PLCE1: variants seen among roughly 807,000 people sequenced by gnomAD.
The protein encoded by PLCE1 is 1-phosphatidylinositol 4,5-bisphosphate phosphodiesterase epsilon-1.
PLCE1 carries 119 observed loss-of-function variants against 242.8 expected under a neutral mutation model. The ratio of observed to expected loss-of-function variants is 0.49; its 90% CI spans 0.42 to 0.57. The LOEUF (loss-of-function observed/expected upper bound fraction) is 0.57. PLCE1 is among the 20% of genes least tolerant of loss of function. The probability of loss-of-function intolerance (pLI) is 0.00; values close to 1 mark genes in which losing one functional copy is unlikely to be tolerated. For synonymous variants in PLCE1, 945 were observed against 1,017.4 expected, an observed-to-expected ratio of 0.93 and a Z score of 1.35; for missense variants, 2,441 against 2,788.8, an observed-to-expected ratio of 0.88 and a Z score of 2.81.
chr10:94,300,673 A>T (rs1021672468), intron 24 of PLCE1, among the ~76,000 whole-genome samples: 1 of 147,294 alleles, frequency 6.8e-6, no homozygotes, highest in Non-Finnish European at 1.5e-5. Flanking sequence ...GAGGCAGATT[A>T]TCTCTGTCAG....
At chr10:94,256,305 C>G (rs975785800) in intron 11 of PLCE1, among the ~76,000 whole-genome samples, 7 of 109,874 alleles carry the variant, frequency 6.4e-5, no homozygotes, top group Non-Finnish European at 1.2e-4. Context: ...GCCTAGGCAA[C>G]AGAGTGAGAG....
At chr10:94,265,557 C>A in intron 14 of PLCE1, 90 bp from the exon 15 acceptor site, 1 of 1,129,568 alleles carries the variant, frequency 8.9e-7, no homozygotes, top group South Asian at 1.2e-5. Flanking sequence ...CTGATGAAAA[C>A]AGAACAGCTT....
intron 1 of PLCE1, among the ~76,000 whole-genome samples, chr10:94,007,575 C>CTTTTTTT (rs57779697): frequency 9.3e-6 from 1 of 107,264 alleles, no homozygotes; most frequent in African/African-American, 3.7e-5. Flanking sequence ...TTCTCTCTCT[C>CTTTTTTT]TTTTTTTTTT....
intron 2 of PLCE1, among the ~76,000 whole-genome samples, chr10:94,033,720 T>TTG (rs2061608459): frequency 1.3e-5 from 2 of 152,158 alleles, no homozygotes; most frequent in African/African-American, 2.4e-5. Context: ...CAGTGCCATG[T>TTG]GCCATCTTGG....
At chr10:94,151,247 G>C (rs1381388019) in intron 3 of PLCE1, among the ~76,000 whole-genome samples, 1 of 152,126 alleles carries the variant, frequency 6.6e-6, no homozygotes, top group Admixed American at 6.5e-5. Context: ...TTGGCCTGTA[G>C]TGGGTTCCAT....
chr10:94,017,930 T>G (rs181782876), intron 1 of PLCE1, among the ~76,000 whole-genome samples: 3 of 152,288 alleles, frequency 2.0e-5, no homozygotes, highest in Admixed American at 1.3e-4. Context: ...TTCTTTTGAT[T>G]AAATCAGGAT....
Position 94,246,515 on chromosome 10 carries a change from T to C in PLCE1, c.2990T>C (p.Met997Thr). 1.9e-6 allele frequency: 3 copies of C among 1,614,114 alleles called. No homozygotes were observed. Among genetic ancestry groups the C allele is most frequent in the Non-Finnish European group, 2.5e-6 (3 of 1,179,956 alleles). The change falls in exon 8 of 33, where the codon ATG (methionine) becomes ACG (threonine). Residue 997 changes from methionine (M) to threonine (T), a missense_variant. Physicochemically the swap from Met to Thr is moderately conservative, Grantham distance 81. Around this residue, in one of 5 missense-constraint regions of PLCE1, gnomAD observed 1,004 missense variants for 1,322.7 expected, o/e 0.76. Coordinates refer to ENST00000371380, the MANE Select transcript of PLCE1 (RefSeq NM_016341.4). ...HFVAPKHTAKMLFSGLLELTR... is the reference protein window; with the variant it reads ...HFVAPKHTAKTLFSGLLELTR... ...GTGGCACCAAAGCACACAGCTAAAA[T>C]GCTCTTCAGCGGATTATTGGAACTC...
chr10:94,089,432 G>GGGGACTGTTTCTTTACT (rs2044977169), intron 2 of PLCE1: 1 of 1,406,838 alleles, frequency 7.1e-7, no homozygotes, highest in African/African-American at 1.4e-5. Context: ...ATGGAATCCT[G>GGGGACTGTTTCTTTACT]GGGACTGTTT....
intron 4 of PLCE1, among the ~76,000 whole-genome samples, chr10:94,202,541 A>G (rs935346593): frequency 2.6e-5 from 4 of 152,162 alleles, no homozygotes; most frequent in Non-Finnish European, 5.9e-5. Flanking sequence ...AGGGCTGCCA[A>G]CCACATTTGT....
At chr10:94,281,578 G>A (rs990969967) in intron 20 of PLCE1, among the ~76,000 whole-genome samples, 2 of 152,126 alleles carry the variant, frequency 1.3e-5, no homozygotes, top group African/African-American at 4.8e-5. Flanking sequence ...GACCACACCA[G>A]GCTCTGTTCC....
At chr10:94,032,748 A>G (rs1488249216) in intron 2 of PLCE1, among the ~76,000 whole-genome samples, 1 of 152,142 alleles carries the variant, frequency 6.6e-6, no homozygotes, top group Admixed American at 6.6e-5. Flanking sequence ...ATGTTTTTAA[A>G]TGAATCAGAT....
chr10:94,199,737 G>A (rs913442297), intron 4 of PLCE1, among the ~76,000 whole-genome samples: 2 of 152,206 alleles, frequency 1.3e-5, no homozygotes, highest in Non-Finnish European at 2.9e-5. Context: ...GCGTGAGTCA[G>A]TTTTGTCAAG....
rs1032676637 is a variant in PLCE1, at chr10:94,298,712, T to C, written c.5458+43T>C. The stretch of plus-strand genomic sequence containing the variant: ...TCACCTCGCTCCTTTGCATCTTACA[T>C]TTCAGTAAATGCAGTTTGACAGCAT... On this transcript the variant is annotated intron_variant, in intron 24 of 32. Coordinates refer to ENST00000371380, the MANE Select transcript of PLCE1 (RefSeq NM_016341.4). The surrounding 1 kb of genome is among the most constrained non-coding windows in gnomAD (Gnocchi z 5.2). 1.2e-6 allele frequency: 2 copies of C among 1,601,718 alleles called. No homozygotes were observed. The highest frequency in any genetic ancestry group is 1.7e-6 in the Non-Finnish European group (2 of 1,169,096).
intron 1 of PLCE1, among the ~76,000 whole-genome samples, chr10:93,995,081 G>C (rs1263711226): frequency 6.6e-6 from 1 of 152,178 alleles, no homozygotes; most frequent in African/African-American, 2.4e-5. Flanking sequence ...CAGGGCCGCT[G>C]CCACAGAATG....
intron 29 of PLCE1, among the ~76,000 whole-genome samples, chr10:94,317,311 A>C (rs2053609811): frequency 6.6e-6 from 1 of 152,206 alleles, no homozygotes; most frequent in African/African-American, 2.4e-5. Context: ...CCATTTTAAA[A>C]ATAAATAAAA....
intron 7 of PLCE1, among the ~76,000 whole-genome samples, chr10:94,238,864 A>T (rs1407895186): frequency 5.3e-5 from 8 of 152,146 alleles, no homozygotes; most frequent in Non-Finnish European, 5.9e-5. Context: ...CATTTGGAAA[A>T]ATAAGATATA....
chr10:94,273,746 T>C (rs547399716), intron 19 of PLCE1, 26 bp downstream of exon 19: 9 of 1,606,880 alleles, frequency 5.6e-6, no homozygotes, highest in East Asian at 2.2e-5. Context: ...AAACCAGTTA[T>C]GAAAAGGCAG....
intron 28 of PLCE1, among the ~76,000 whole-genome samples, chr10:94,314,385 G>T (rs1222498862): frequency 6.6e-6 from 1 of 152,126 alleles, no homozygotes; most frequent in Non-Finnish European, 1.5e-5. Context: ...GGATCACGAG[G>T]TCAAGAGATG....
At chr10:94,144,234 T>G (rs1564729516) in intron 3 of PLCE1, among the ~76,000 whole-genome samples, 1 of 152,216 alleles carries the variant, frequency 6.6e-6, no homozygotes, top group Non-Finnish European at 1.5e-5. Flanking sequence ...AGCCATGTTC[T>G]TAACTACTAG....
Sources: gnomAD v4.1 joint callset for allele counts (sites outside exome capture counted in the v4.1 genomes callset) on GRCh38, gnomAD v4.1.1 for gene constraint, gnomAD v4.1.1 regional missense constraint, Gnocchi (gnomAD v3.1) non-coding constraint, MANE v1.5 for transcripts, NCBI Gene and HGNC (gene_info 2026-07-23, HGNC 2026-07-21) for gene names.